The following CAPN3 variants were observed in gnomAD, a reference collection of about 807,000 sequenced individuals.
CAPN3 encodes the protein calpain 3.
In CAPN3, 88 loss-of-function variants were observed where a neutral mutation model predicts 114.0. That is an observed-to-expected ratio of 0.77 (90% CI 0.65 to 0.92). CAPN3 has a LOEUF of 0.92. Among genes scored for constraint, CAPN3 ranks in the 40% least tolerant of loss-of-function variants. The pLI, the probability that CAPN3 is intolerant of heterozygous loss-of-function variation, is 0.00. For synonymous variants in CAPN3, 386 were observed against 382.9 expected (o/e 1.01, Z -0.09); for missense variants, 1,028 against 1,069.0 (o/e 0.96, Z 0.53).
chr15:42,389,038 T>TG lies in CAPN3; in HGVS notation c.744dup (p.Tyr249ValfsTer19). ...GAGATCAGGGATGCTCCTAGTGACA[T>TG]GTACAAGATCATGAAGAAAGCCATC... On this transcript the variant is annotated frameshift_variant, in exon 5 of 24. Coordinates refer to ENST00000397163, the MANE Select transcript of CAPN3 (RefSeq NM_000070.3). LOFTEE classifies it high-confidence loss of function. The TG allele has an allele frequency of 6.2e-7, 1 of 1,613,992 alleles. No homozygotes were observed. Among genetic ancestry groups the TG allele is most frequent in the Non-Finnish European group, 8.5e-7 (1 of 1,179,978 alleles).
chr15:42,403,855 G>A, intron 14 of CAPN3, 78 bp downstream of exon 14: 1 of 1,285,702 alleles, frequency 7.8e-7, no homozygotes, highest in Non-Finnish European at 1.1e-6. Context: ...ATGGTGCAGG[G>A]GAGAATGGGC....
At chr15:42,367,434 C>T (rs746569454) in intron 1 of CAPN3, among the ~76,000 whole-genome samples, 6 of 152,176 alleles carry the variant, frequency 3.9e-5, no homozygotes, top group East Asian at 1.9e-4. Context: ...GGAGCTGACA[C>T]GTACTTTTCC....
intron 9 of CAPN3, 71 bp downstream of exon 9, chr15:42,396,948 C>A: frequency 8.9e-7 from 1 of 1,121,524 alleles, no homozygotes; most frequent in Non-Finnish European, 1.4e-6. Flanking sequence ...AGACCTCAGT[C>A]CCCAGCTAAG....
chr15:42,404,794 G>A, intron 14 of CAPN3: 5 of 1,084,294 alleles, frequency 4.6e-6, no homozygotes, highest in Non-Finnish European at 5.6e-6. Context: ...TCCTGACCCT[G>A]AGCCAGTGCC....
chr15:42,369,934 G>A (rs2052898907), intron 1 of CAPN3, among the ~76,000 whole-genome samples: 3 of 148,672 alleles, frequency 2.0e-5, no homozygotes, highest in Non-Finnish European at 4.4e-5. Flanking sequence ...GTGCAATAGC[G>A]CGATCTTGGC....
intron 5 of CAPN3, 93 bp downstream of exon 5, chr15:42,389,189 C>G: frequency 8.2e-7 from 1 of 1,220,484 alleles, no homozygotes; most frequent in Non-Finnish European, 1.2e-6. Context: ...TTGTGTGGGA[C>G]AGAGCGAATG....
Position 42,407,338 on chromosome 15 carries a change from T to TG in CAPN3, c.1801-871dup, listed in dbSNP as rs199657710. ...AAACTGAGGCCAGAGAGGATATTTT[T>TG]GGTTTTTTTTGAGACAGTCTCACTC... On this transcript the variant is annotated intron_variant, in intron 15 of 23. Coordinates refer to ENST00000397163, the MANE Select transcript of CAPN3 (RefSeq NM_000070.3). Among the ~76,000 whole-genome samples the TG allele has an allele frequency of 2.0e-5, 3 of 146,950 alleles. No individual in the cohort carries two copies. In the East Asian group the frequency reaches 6.8e-4, roughly 33 times the overall value.
chr15:42,402,469 C>A (rs748758429), intron 12 of CAPN3: 2 of 1,426,756 alleles, frequency 1.4e-6, no homozygotes, highest in African/African-American at 2.9e-5. Flanking sequence ...ATGGAGGAAT[C>A]ACTTCCCTCA....
At chr15:42,408,590 A>G in intron 16 of CAPN3, 1 of 444,778 alleles carries the variant, frequency 2.2e-6, no homozygotes, top group Non-Finnish European at 4.3e-6. Context: ...GATACAGAGA[A>G]GGGGAGGCAA....
At chr15:42,401,476 C>A (rs559361869) in intron 10 of CAPN3, among the ~76,000 whole-genome samples, 165 bp from the exon 11 acceptor site, 3 of 104,902 alleles carry the variant, frequency 2.9e-5, no homozygotes, top group Non-Finnish European at 4.1e-5. Context: ...AGGTAGCGCC[C>A]CCCCCCCCCC....
At chr15:42,394,440 G>C in intron 8 of CAPN3, 99 bp downstream of exon 8, 1 of 954,304 alleles carries the variant, frequency 1.0e-6, no homozygotes, top group Non-Finnish European at 1.6e-6. Flanking sequence ...AAGATGCTTG[G>C]TATAAAATCA....
At chr15:42,410,733 T>C (rs547734866) in intron 21 of CAPN3, 67 bp downstream of exon 21, 2 of 1,392,030 alleles carry the variant, frequency 1.4e-6, no homozygotes, top group East Asian at 2.3e-5. Context: ...GGGAGGGGAC[T>C]AGGCTACTAG....
intron 9 of CAPN3, among the ~76,000 whole-genome samples, chr15:42,398,845 C>T (rs562316390): frequency 1.0e-3 from 135 of 134,168 alleles, no homozygotes; most frequent in African/African-American, 3.7e-3. Flanking sequence ...CATACAATGG[C>T]GCAATATCGG....
chr15:42,385,378 G>A (rs1283947148), intron 2 of CAPN3, among the ~76,000 whole-genome samples: 5 of 152,064 alleles, frequency 3.3e-5, no homozygotes, highest in Non-Finnish European at 7.4e-5. Context: ...TCCAAGGAAA[G>A]ACTGGCTGCT....
At chr15:42,395,028 G>C (rs1165221278) in intron 8 of CAPN3, among the ~76,000 whole-genome samples, 1 of 152,202 alleles carries the variant, frequency 6.6e-6, no homozygotes, top group African/African-American at 2.4e-5. Flanking sequence ...GGACTCAGTA[G>C]AGGAGAAGGA....
Position 42,412,311 on chromosome 15 carries a change from G to A in CAPN3, c.*538G>A. 1 of 835,438 alleles carries A rather than the reference G, an allele frequency of 1.2e-6. No homozygotes were observed. The highest frequency in any genetic ancestry group is 1.9e-6 in the Non-Finnish European group (1 of 540,310). 51.8% of individuals were successfully genotyped at this position (835,438 alleles called of 1,614,324 possible). On this transcript the variant is annotated 3_prime_UTR_variant, in exon 24 of 24. Transcript: ENST00000397163. ...TGATCTAAATAAAGGCATGTGTATG[G>A]CTGGTCCCCTTGTGTTTTGTTGTCT... is the stretch of plus-strand genomic sequence containing the variant.
chr15:42,402,036 A>G, intron 11 of CAPN3, 88 bp from the exon 12 acceptor site: 1 of 1,551,156 alleles, frequency 6.4e-7, no homozygotes, highest in Non-Finnish European at 8.9e-7. Flanking sequence ...AGGCTTCCGC[A>G]TGCGGGCTGC....
intron 22 of CAPN3, 41 bp downstream of exon 22, chr15:42,411,041 G>A (rs2054209325): frequency 6.9e-7 from 1 of 1,450,624 alleles, no homozygotes; most frequent in Admixed American, 1.7e-5. Flanking sequence ...CTCTTGCAGG[G>A]GCAGTTGTGG....
intron 14 of CAPN3, chr15:42,405,014 C>T: frequency 4.0e-6 from 4 of 987,790 alleles, no homozygotes; most frequent in Non-Finnish European, 4.8e-6. Flanking sequence ...CAGTTGTCTG[C>T]AGTTCTCAAT....
Sources: allele counts gnomAD v4.1 joint callset (sites outside exome capture counted in the v4.1 genomes callset), GRCh38; gene constraint gnomAD v4.1.1; transcripts MANE v1.5; gene names NCBI Gene and HGNC (gene_info 2026-07-23, HGNC 2026-07-21).